TLCD4: variants seen among roughly 807,000 people sequenced by gnomAD.
TLCD4 encodes TLC domain containing 4, also known as TLC domain-containing protein 4.
In TLCD4, 7 loss-of-function variants were observed where a neutral mutation model predicts 24.2. The ratio of observed to expected loss-of-function variants is 0.29; its 90% confidence interval spans 0.16 to 0.54. TLCD4 has a LOEUF of 0.54. TLCD4 is among the 20% of genes least tolerant of loss of function. TLCD4 has a pLI of 0.95. For synonymous variants in TLCD4, 103 were observed against 106.4 expected (o/e 0.97, Z 0.20); for missense variants, 259 against 313.9 (o/e 0.82, Z 1.32).
At chr1:95,126,334 A>C (rs1676733534) in intron 1 of TLCD4, among the ~76,000 whole-genome samples, 1 of 151,034 alleles carries the variant, frequency 6.6e-6, no homozygotes, top group Non-Finnish European at 1.5e-5. Context: ...AGGCTGAGGC[A>C]GGAGAGTTGC....
chr1:95,121,545 A>G (rs373846311), intron 1 of TLCD4, among the ~76,000 whole-genome samples: 42 of 152,214 alleles, frequency 2.8e-4, no homozygotes, highest in East Asian at 1.3e-3. Flanking sequence ...GTCTTGGCTC[A>G]CTGCAACTTC....
intron 5 of TLCD4, among the ~76,000 whole-genome samples, chr1:95,170,724 A>C (rs868649270): frequency 1.3e-5 from 2 of 152,048 alleles, no homozygotes; most frequent in Non-Finnish European, 2.9e-5. Flanking sequence ...TTGTCCCCTC[A>C]AGAGTCATAT....
intron 5 of TLCD4, chr1:95,165,297 A>T (rs190142974): frequency 1.3e-5 from 2 of 152,340 alleles, no homozygotes; most frequent in East Asian, 3.9e-4. Context: ...CTGGTGGCAT[A>T]TGGATATGTA....
chr1:95,182,536 C>G (rs1486084841), intron 6 of TLCD4, among the ~76,000 whole-genome samples: 1 of 152,098 alleles, frequency 6.6e-6, no homozygotes, highest in Non-Finnish European at 1.5e-5. Flanking sequence ...TTGTTTTTAA[C>G]TGCAAGCAAG....
At chr1:95,101,412 T>A in the TLCD4 span, among the ~76,000 whole-genome samples, 1 of 11,128 alleles carries the variant, frequency 9.0e-5, no homozygotes, top group Non-Finnish European at 2.6e-4. Context: ...CTAATTAAAG[T>A]GTGTGTGTGT....
At chr1:95,173,995 C>G (rs1678327756) in intron 6 of TLCD4, 106 bp downstream of exon 6, 1 of 1,466,806 alleles carries the variant, frequency 6.8e-7, no homozygotes, top group Admixed American at 1.9e-5. Flanking sequence ...AGATACGGAT[C>G]TGTGATATGA....
Position 95,132,405 on chromosome 1 carries a change from C to T in TLCD4, c.-11-11486C>T, listed in dbSNP as rs575509572. On this transcript the variant is annotated intron_variant, in intron 1 of 6. Coordinates refer to ENST00000370203, the MANE Select transcript of TLCD4 (RefSeq NM_152487.3). ...CCAGGTGGTGGAGGTTGCAGTGAGC[C>T]GAGATTGCACCATTGCACTCCAGCC... 1.7e-4 allele frequency among the ~76,000 whole-genome samples: 25 copies of T among 148,954 alleles called. No individual in the cohort carries two copies. The South Asian group carries it at 4.7e-3, about 28-fold the overall frequency.
At chr1:95,154,451 A>G (rs1363096900) in intron 5 of TLCD4, among the ~76,000 whole-genome samples, 1 of 152,150 alleles carries the variant, frequency 6.6e-6, no homozygotes, top group South Asian at 2.1e-4. Flanking sequence ...AGGATTACCT[A>G]TAGTAAAGAG....
At chr1:95,163,124 C>T (rs1032474649) in intron 5 of TLCD4, 2 of 152,220 alleles carry the variant, frequency 1.3e-5, no homozygotes, top group African/African-American at 2.4e-5. Context: ...TTCTCCCCAT[C>T]ACTTTCAGGT....
intron 5 of TLCD4, among the ~76,000 whole-genome samples, chr1:95,173,317 T>TTG (rs1158128463): frequency 1.3e-5 from 2 of 151,804 alleles, no homozygotes; most frequent in African/African-American, 4.8e-5. Context: ...GATCATTCTT[T>TTG]TTTTTTTTTT....
chr1:95,155,687 A>T (rs1272843743), intron 5 of TLCD4, among the ~76,000 whole-genome samples: 2 of 151,754 alleles, frequency 1.3e-5, no homozygotes, highest in East Asian at 3.9e-4. Context: ...CGGGTACAGG[A>T]TCAGAAAATA....
intron 1 of TLCD4, among the ~76,000 whole-genome samples, chr1:95,136,774 G>T (rs992493181): frequency 6.6e-6 from 1 of 152,154 alleles, no homozygotes; most frequent in East Asian, 1.9e-4. Flanking sequence ...GGATTTGTTG[G>T]TCAGTTATTT....
the TLCD4 span, among the ~76,000 whole-genome samples, chr1:95,105,894 TAAAAAAAA>T: frequency 2.6e-5 from 3 of 115,364 alleles, no homozygotes; most frequent in Non-Finnish European, 5.2e-5. Flanking sequence ...GACTCCGTCT[TAAAAAAAA>T]AAAAAAAAAA....
At chr1:95,121,437 A>G (rs1343870043) in intron 1 of TLCD4, among the ~76,000 whole-genome samples, 2 of 152,176 alleles carry the variant, frequency 1.3e-5, no homozygotes, top group African/African-American at 4.8e-5. Context: ...CTCATTAGGA[A>G]GTTGGCTGCT....
At position 95,173,807 on chromosome 1, in the gene TLCD4, A is replaced by G; in HGVS notation, c.400-9A>G. On this transcript the variant is annotated splice_polypyrimidine_tract_variant and intron_variant, in intron 5 of 6. Coordinates refer to ENST00000370203, the MANE Select transcript of TLCD4 (RefSeq NM_152487.3). Reference sequence around the variant, plus strand: ...ATCCTTGACGTTGTGTTTTATGTTTATCATTCAGAAAAATGGAGTGCTGGC... The same window carrying G: ...ATCCTTGACGTTGTGTTTTATGTTTGTCATTCAGAAAAATGGAGTGCTGGC... 6.2e-7 allele frequency: 1 copy of G among 1,614,012 alleles called. No individual in the cohort carries two copies. The highest frequency in any genetic ancestry group is 8.5e-7 in the Non-Finnish European group (1 of 1,179,974).
rs559382366 is a variant in TLCD4, at chr1:95,194,451, C to A, written c.*2583C>A. ...ATCATTTACTGCACGATGAATTTTT[C>A]ATTTATTAAATGAAAAACGTTTGCT... is the stretch of plus-strand genomic sequence containing the variant. On this transcript the variant is annotated 3_prime_UTR_variant, in exon 7 of 7. Coordinates refer to ENST00000370203, the MANE Select transcript of TLCD4 (RefSeq NM_152487.3). 2.2e-5 allele frequency: 3 copies of A among 137,610 alleles called. No homozygotes were observed. Among genetic ancestry groups the A allele is most frequent in the Non-Finnish European group, 4.6e-5 (3 of 65,530 alleles). 8.5% of individuals were successfully genotyped at this position (137,610 alleles called of 1,614,324 possible).
chr1:95,109,136 T>G, the TLCD4 span, among the ~76,000 whole-genome samples: 8 of 152,180 alleles, frequency 5.3e-5, no homozygotes, highest in African/African-American at 1.9e-4. Context: ...GAGACCAGCC[T>G]GGGCAAGAAG....
At chr1:95,139,277 CACTG>C (rs1204295858) in intron 1 of TLCD4, among the ~76,000 whole-genome samples, 6 of 150,956 alleles carry the variant, frequency 4.0e-5, no homozygotes, top group Non-Finnish European at 7.4e-5. Context: ...CTAGGTGAAT[CACTG>C]AGTGAGTGGT....
intron 1 of TLCD4, among the ~76,000 whole-genome samples, chr1:95,138,820 A>G (rs1168582188): frequency 6.6e-6 from 1 of 152,040 alleles, no homozygotes; most frequent in Non-Finnish European, 1.5e-5. Context: ...CATGGTGTAG[A>G]CAGATGCTAC....
Sources: gnomAD v4.1 joint callset for allele counts (sites outside exome capture counted in the v4.1 genomes callset) on GRCh38, gnomAD v4.1.1 for gene constraint, MANE v1.5 for transcripts, NCBI Gene and HGNC (gene_info 2026-07-23, HGNC 2026-07-21) for gene names.